The following MROH9 variants were observed in gnomAD, a reference collection of about 807,000 sequenced individuals.
MROH9 encodes maestro heat like repeat family member 9.
MROH9 carries 92 observed loss-of-function variants against 98.2 expected under a neutral mutation model. That is an observed-to-expected ratio of 0.94 (90% CI 0.79 to 1.11). The LOEUF is 1.11. Among genes scored for constraint, MROH9 ranks in the 50% most tolerant of loss-of-function variants. The probability of loss-of-function intolerance (pLI) is 0.00; values close to 1 mark genes in which losing one functional copy is unlikely to be tolerated. For synonymous variants in MROH9, 397 were observed against 368.9 expected (o/e 1.08, Z -0.87); for missense variants, 1,057 against 1,014.8 (o/e 1.04, Z -0.57).
intron 6 of MROH9, among the ~76,000 whole-genome samples, chr1:170,962,376 T>C (rs1170842968): frequency 6.6e-6 from 1 of 152,164 alleles, no homozygotes; most frequent in African/African-American, 2.4e-5. Flanking sequence ...AAGAAAATGC[T>C]GAGCATTCTA....
chr1:171,024,610 A>G, intron 18 of MROH9, 39 bp from the exon 19 acceptor site: 1 of 1,535,518 alleles, frequency 6.5e-7, no homozygotes, highest in Non-Finnish European at 8.8e-7. Flanking sequence ...ATCTAACAAC[A>G]GATGAATAGA....
chr1:171,024,267 T>C, intron 17 of MROH9, 128 bp from the exon 18 acceptor site: 1 of 699,606 alleles, frequency 1.4e-6, no homozygotes, highest in East Asian at 2.8e-5. Context: ...AGTGTATGTA[T>C]ATATACACAT....
At chr1:171,044,265 T>C (rs141208334) in intron 20 of MROH9, among the ~76,000 whole-genome samples, 4 of 152,330 alleles carry the variant, frequency 2.6e-5, no homozygotes, top group Non-Finnish European at 5.9e-5. Context: ...TGTATTACAG[T>C]GATTGATTTA....
chr1:171,058,229 C>A (rs1653906465), intron 20 of MROH9, among the ~76,000 whole-genome samples: 1 of 151,782 alleles, frequency 6.6e-6, no homozygotes, highest in Non-Finnish European at 1.5e-5. Flanking sequence ...ATGAATAAAT[C>A]CCCATTCACA....
chr1:171,042,315 G>A (rs1334584262), intron 20 of MROH9, among the ~76,000 whole-genome samples: 1 of 152,004 alleles, frequency 6.6e-6, no homozygotes, highest in Non-Finnish European at 1.5e-5. Flanking sequence ...CAAATGACTG[G>A]ATCTCACTCT....
chr1:170,940,530 A>G lies in MROH9; in HGVS notation c.-38+4943A>G, dbSNP rs910826225. 5.9e-5 allele frequency among the ~76,000 whole-genome samples: 9 copies of G among 152,308 alleles called. No homozygotes were observed. In the South Asian group the frequency reaches 1.9e-3, roughly 32 times the overall value. On this transcript the variant is annotated intron_variant, in intron 1 of 21. Transcript: ENST00000367759. ...CAGCTGAACACAAACTGCTTCATGT[A>G]CACCTTACGGAAAGGGATAGAGAAA...
intron 6 of MROH9, among the ~76,000 whole-genome samples, chr1:170,963,199 A>G (rs1361782411): frequency 6.6e-6 from 1 of 152,318 alleles, no homozygotes; most frequent in East Asian, 1.9e-4. Flanking sequence ...AAAAGAAGAC[A>G]TACATGTGGC....
At chr1:170,998,402 A>G (rs1651665135) in intron 15 of MROH9, 128 bp downstream of exon 15, 2 of 1,607,016 alleles carry the variant, frequency 1.2e-6, no homozygotes, top group African/African-American at 2.7e-5. Flanking sequence ...AGATCATGAA[A>G]GATATCTGAA....
In MROH9 at chr1:170,983,422, A is replaced by C; in HGVS notation, c.617A>C (p.Asp206Ala). 6.3e-7 allele frequency: 1 copy of C among 1,594,904 alleles called. No homozygotes were observed. The highest frequency in any genetic ancestry group is 8.6e-7 in the Non-Finnish European group (1 of 1,164,542). The change falls in exon 9 of 22, where the codon GAT (aspartate) becomes GCT (alanine). Residue 206 changes from aspartate to alanine, a missense_variant and splice_region_variant. Asp to Ala is a moderately radical substitution (Grantham distance 126). Transcript: ENST00000367759. ...HLLYIARCQN[D>A]IGTNKPTNGK... ...GAAACTCTTTTTCTTAACAAAGCAG[A>C]TATTGGAACAAATAAGCCTACAAAC...
intron 20 of MROH9, among the ~76,000 whole-genome samples, chr1:171,039,545 C>T (rs1211998798): frequency 6.6e-6 from 1 of 152,144 alleles, no homozygotes; most frequent in African/African-American, 2.4e-5. Context: ...GCAAATATAA[C>T]TTCTGCTAAA....
intron 20 of MROH9, among the ~76,000 whole-genome samples, chr1:171,051,593 G>T (rs1038720906): frequency 6.6e-6 from 1 of 152,092 alleles, no homozygotes; most frequent in African/African-American, 2.4e-5. Context: ...TGGCAGAGAG[G>T]CAGGGAGGAG....
intron 20 of MROH9, among the ~76,000 whole-genome samples, chr1:171,037,766 C>T (rs1048816591): frequency 3.3e-5 from 5 of 151,868 alleles, no homozygotes; most frequent in African/African-American, 1.2e-4. Context: ...TAATACCATC[C>T]AGAAATAACC....
At chr1:170,961,471 C>T (rs932045807) in intron 5 of MROH9, among the ~76,000 whole-genome samples, 4 of 152,094 alleles carry the variant, frequency 2.6e-5, no homozygotes, top group African/African-American at 9.7e-5. Context: ...CAAGCAAAAT[C>T]ACATTTAAGC....
intron 3 of MROH9, among the ~76,000 whole-genome samples, chr1:170,956,340 T>A (rs1385015107): frequency 2.0e-5 from 3 of 152,154 alleles, no homozygotes; most frequent in African/African-American, 7.2e-5. Context: ...TTTTTTTTTC[T>A]AATTCTATGA....
intron 20 of MROH9, 74 bp downstream of exon 20, chr1:171,025,494 C>A: frequency 9.8e-7 from 1 of 1,019,502 alleles, no homozygotes; most frequent in Non-Finnish European, 1.5e-6. Context: ...AAAAGTCTTT[C>A]TTACATTTTT....
intron 6 of MROH9, among the ~76,000 whole-genome samples, chr1:170,963,161 G>A (rs2101894726): frequency 1.3e-5 from 2 of 151,624 alleles, no homozygotes; most frequent in African/African-American, 2.4e-5. Flanking sequence ...ATTACAAAGT[G>A]GGCAAAGGAC....
rs79364472 is a variant in MROH9 at position 171,015,466 on chromosome 1, T to C, written c.1735-697T>C. On this transcript the variant is annotated intron_variant, in intron 16 of 21. Transcript: ENST00000367759. ...GGCATTGACATAGTCCTTAGCTCTA[T>C]TTTTTTCTCCTTAAAGCTATTATTT... 3.4e-4 allele frequency among the ~76,000 whole-genome samples: 51 copies of C among 152,128 alleles called. 1 individual carries two copies. The South Asian group carries it at 9.9e-3, about 30-fold the overall frequency.
chr1:170,971,723 A>G (rs1650463099), intron 7 of MROH9, 25 bp from the exon 8 acceptor site: 3 of 1,612,996 alleles, frequency 1.9e-6, no homozygotes, highest in African/African-American at 1.3e-5. Flanking sequence ...TAGCAAATGC[A>G]TGTTCTCCTT....
intron 3 of MROH9, among the ~76,000 whole-genome samples, chr1:170,956,302 CT>C (rs1649755072): frequency 6.6e-6 from 1 of 151,872 alleles, no homozygotes; most frequent in Admixed American, 6.5e-5. Context: ...TATGTGGGCT[CT>C]TTTTTGGTTC....
Sources: allele counts gnomAD v4.1 joint callset (sites outside exome capture counted in the v4.1 genomes callset), GRCh38; gene constraint gnomAD v4.1.1; transcripts MANE v1.5; gene names NCBI Gene and HGNC (gene_info 2026-07-23, HGNC 2026-07-21).